Variants in GHR observed in about 807,000 individuals in gnomAD.
The protein encoded by GHR is GH receptor.
In GHR, 35 loss-of-function variants were observed where a neutral mutation model predicts 67.1. The ratio of observed to expected loss-of-function variants is 0.52; its 90% CI spans 0.40 to 0.69. GHR has a LOEUF of 0.69. Among genes scored for constraint, GHR ranks in the 30% least tolerant of loss-of-function variants. The probability of loss-of-function intolerance (pLI) is 0.00; values close to 1 mark genes in which losing one functional copy is unlikely to be tolerated. For synonymous variants in GHR, 272 were observed against 269.1 expected, an observed-to-expected ratio of 1.01 and a Z score of -0.10; for missense variants, 792 against 764.6, an observed-to-expected ratio of 1.04 and a Z score of -0.42.
chr5:42,510,391 T>G (rs1746960485), intron 1 of GHR, among the ~76,000 whole-genome samples: 1 of 152,178 alleles, frequency 6.6e-6, no homozygotes, highest in Non-Finnish European at 1.5e-5. Flanking sequence ...GCCTTCCCAT[T>G]TCATGATGGC....
chr5:42,650,599 A>ATATATATATG (rs1351157808), intron 3 of GHR, among the ~76,000 whole-genome samples: 2 of 146,372 alleles, frequency 1.4e-5, no homozygotes, highest in East Asian at 3.9e-4. Flanking sequence ...ATATATATAT[A>ATATATATATG]TATGTATGTC....
intron 2 of GHR, among the ~76,000 whole-genome samples, chr5:42,620,949 C>T (rs975666759): frequency 6.6e-6 from 1 of 152,060 alleles, no homozygotes; most frequent in African/African-American, 2.4e-5. Flanking sequence ...AATATCCTTC[C>T]AATTTCAGTC....
intron 3 of GHR, among the ~76,000 whole-genome samples, chr5:42,670,619 T>G (rs1358690628): frequency 1.3e-5 from 2 of 151,990 alleles, no homozygotes; most frequent in Non-Finnish European, 2.9e-5. Flanking sequence ...GCAAATCATA[T>G]ATTAGATAAG....
chr5:42,672,242 A>G (rs774706681), intron 3 of GHR, among the ~76,000 whole-genome samples: 2 of 152,118 alleles, frequency 1.3e-5, no homozygotes, highest in African/African-American at 4.8e-5. Context: ...GCCTAGAAAA[A>G]CCTAAAGGCT....
chr5:42,613,663 A>G (rs958802853), intron 2 of GHR, among the ~76,000 whole-genome samples: 1 of 152,148 alleles, frequency 6.6e-6, no homozygotes, highest in Non-Finnish European at 1.5e-5. Context: ...AAATAGAAAC[A>G]GATAAATGAA....
chr5:42,548,655 T>C, intron 1 of GHR: 1 of 191,714 alleles, frequency 5.2e-6, no homozygotes, highest in African/African-American at 2.4e-5. Context: ...ATGTTTTCCT[T>C]TCTCCTCCCA....
intron 3 of GHR, among the ~76,000 whole-genome samples, chr5:42,681,517 A>C (rs1484856560): frequency 6.6e-6 from 1 of 152,240 alleles, no homozygotes; most frequent in East Asian, 1.9e-4. Flanking sequence ...GTGGGAGTGT[A>C]AATTAGTTCA....
intron 1 of GHR, chr5:42,468,526 T>C: frequency 3.8e-6 from 3 of 799,410 alleles, no homozygotes; most frequent in Non-Finnish European, 6.1e-6. Flanking sequence ...CCTCAGCTCC[T>C]ACTGGCACGA....
intron 1 of GHR, among the ~76,000 whole-genome samples, chr5:42,565,042 C>T (rs946759551): frequency 7.2e-5 from 11 of 152,182 alleles, no homozygotes; most frequent in African/African-American, 2.7e-4. Context: ...TTATTTCCTT[C>T]CTCCAGATAA....
chr5:42,600,758 C>T, intron 2 of GHR, among the ~76,000 whole-genome samples: 1 of 152,148 alleles, frequency 6.6e-6, no homozygotes, highest in East Asian at 1.9e-4. Flanking sequence ...CAAGCAAGTC[C>T]TAGCCTAAAG....
Position 42,562,356 on chromosome 5 carries a change from G to C in GHR, c.-11-3508G>C, listed in dbSNP as rs140853437. On this transcript the variant is annotated intron_variant, in intron 1 of 9. Coordinates refer to ENST00000230882, the MANE Select transcript of GHR (RefSeq NM_000163.5). ...CAGTGGAAGAGAAGGGGAGGAGTTA[G>C]ATTCTAATAAAGCCCTTATCTTCTG... Among the ~76,000 whole-genome samples, 645 of 152,236 alleles carry C rather than the reference G, an allele frequency of 4.2e-3. 2 individuals carry two copies. Among genetic ancestry groups the C allele is most frequent in the Admixed American group, 9.1e-3 (139 of 15,288 alleles).
chr5:42,487,387 A>C (rs1318778448), intron 1 of GHR, among the ~76,000 whole-genome samples: 1 of 152,218 alleles, frequency 6.6e-6, no homozygotes, highest in Non-Finnish European at 1.5e-5. Context: ...AAGCGTTGGC[A>C]AAAAGGTTTA....
intron 2 of GHR, among the ~76,000 whole-genome samples, chr5:42,571,991 G>A (rs1750349520): frequency 6.6e-6 from 1 of 152,174 alleles, no homozygotes; most frequent in Non-Finnish European, 1.5e-5. Flanking sequence ...GGCCCAGCCA[G>A]CCTCTACCTG....
At chr5:42,553,864 T>G (rs896735002) in intron 1 of GHR, among the ~76,000 whole-genome samples, 6 of 152,212 alleles carry the variant, frequency 3.9e-5, no homozygotes, top group African/African-American at 1.4e-4. Flanking sequence ...TATTTTCTGA[T>G]CTTAATTCCA....
intron 3 of GHR, among the ~76,000 whole-genome samples, chr5:42,633,459 A>G (rs936543656): frequency 3.9e-5 from 6 of 152,236 alleles, no homozygotes; most frequent in African/African-American, 1.2e-4. Flanking sequence ...ATTAACTTCA[A>G]TAAAAACTTT....
chr5:42,646,821 C>A (rs1356136154), intron 3 of GHR, among the ~76,000 whole-genome samples: 1 of 152,104 alleles, frequency 6.6e-6, no homozygotes, highest in Admixed American at 6.5e-5. Flanking sequence ...CATTACCTTG[C>A]CCACCCTAGA....
chr5:42,625,095 G>C (rs982253779), intron 2 of GHR, among the ~76,000 whole-genome samples: 2 of 152,188 alleles, frequency 1.3e-5, no homozygotes, highest in Non-Finnish European at 2.9e-5. Context: ...CAGCTGAAAG[G>C]CTGCTTCCCA....
intron 3 of GHR, among the ~76,000 whole-genome samples, chr5:42,666,367 T>C (rs958313782): frequency 3.9e-5 from 6 of 152,192 alleles, no homozygotes; most frequent in Non-Finnish European, 7.3e-5. Flanking sequence ...TCATTGTTAA[T>C]GATCTATCTC....
At chr5:42,689,379 T>C (rs1358234165) in intron 4 of GHR, among the ~76,000 whole-genome samples, 2 of 152,128 alleles carry the variant, frequency 1.3e-5, no homozygotes, top group African/African-American at 4.8e-5. Context: ...AGTTTGTGTA[T>C]GTGCATGAGA....
Sources: gnomAD v4.1 joint callset for allele counts (sites outside exome capture counted in the v4.1 genomes callset) on GRCh38, gnomAD v4.1.1 for gene constraint, MANE v1.5 for transcripts, NCBI Gene and HGNC (gene_info 2026-07-23, HGNC 2026-07-21) for gene names.